Variants in CNTLN observed in about 807,000 individuals in gnomAD.
CNTLN encodes centlein, also known as centlein, centrosomal protein.
Under a neutral mutation model 180.0 loss-of-function variants are expected in CNTLN, and 212 were observed. That is an observed-to-expected ratio of 1.18 (90% CI 1.05 to 1.32). The LOEUF is 1.32. Ranked by LOEUF, CNTLN falls within the 40% of genes most tolerant of loss-of-function variation. CNTLN has a pLI of 0.00. For synonymous variants in CNTLN, 722 were observed against 563.1 expected, an observed-to-expected ratio of 1.28 and a Z score of -3.99; for missense variants, 2,095 against 1,610.9, an observed-to-expected ratio of 1.30 and a Z score of -5.14.
At chr9:17,168,690 C>G (rs1218540106) in intron 2 of CNTLN, 1 of 152,136 alleles carries the variant, frequency 6.6e-6, no homozygotes, top group Non-Finnish European at 1.5e-5. Context: ...TCCTGTATAG[C>G]AACATTTATT....
intron 9 of CNTLN, among the ~76,000 whole-genome samples, chr9:17,331,129 A>G (rs905497075): frequency 6.6e-6 from 1 of 151,916 alleles, no homozygotes; most frequent in Non-Finnish European, 1.5e-5. Context: ...CTGATTAAAA[A>G]TTTATTTTTA....
intron 1 of CNTLN, among the ~76,000 whole-genome samples, chr9:17,140,853 A>C (rs1241128708): frequency 6.6e-6 from 1 of 152,238 alleles, no homozygotes; most frequent in East Asian, 1.9e-4. Flanking sequence ...ATATTAAAAA[A>C]CAAAAATTCC....
At chr9:17,335,929 A>AAT in intron 10 of CNTLN, among the ~76,000 whole-genome samples, 1 of 151,650 alleles carries the variant, frequency 6.6e-6, no homozygotes, top group East Asian at 1.9e-4. Flanking sequence ...CTGTCTCAAA[A>AAT]ACAAAAACAA....
At chr9:17,388,479 T>A (rs1007162187) in intron 14 of CNTLN, among the ~76,000 whole-genome samples, 6 of 152,002 alleles carry the variant, frequency 3.9e-5, no homozygotes, top group Non-Finnish European at 8.8e-5. Flanking sequence ...AACATTATTT[T>A]CAAAAGGTGA....
chr9:17,333,385 T>C (rs977381875), intron 10 of CNTLN, among the ~76,000 whole-genome samples: 3 of 152,154 alleles, frequency 2.0e-5, no homozygotes, highest in Non-Finnish European at 4.4e-5. Context: ...GGGTTTTTTT[T>C]CTCTTTCATT....
At chr9:17,388,502 G>A (rs1000111056) in intron 14 of CNTLN, among the ~76,000 whole-genome samples, 4 of 151,932 alleles carry the variant, frequency 2.6e-5, no homozygotes, top group African/African-American at 9.7e-5. Context: ...TGGAGAGAAT[G>A]AGAAAAATAG....
chr9:17,198,534 A>ATTTTTTTTTTTT (rs71304884), intron 2 of CNTLN, among the ~76,000 whole-genome samples: 4 of 98,060 alleles, frequency 4.1e-5, no homozygotes, highest in South Asian at 2.9e-4. Context: ...TACTTTCTTG[A>ATTTTTTTTTTTT]TTTTTTTTTT....
intron 12 of CNTLN, 116 bp downstream of exon 12, chr9:17,342,560 C>T: frequency 4.3e-6 from 4 of 940,896 alleles, no homozygotes; most frequent in Admixed American, 3.4e-5. Context: ...TGATTTTTGC[C>T]AATAAAAGTA....
At chr9:17,341,634 G>C (rs897187143) in intron 11 of CNTLN, among the ~76,000 whole-genome samples, 3 of 152,120 alleles carry the variant, frequency 2.0e-5, no homozygotes. Flanking sequence ...GATACACATT[G>C]GTCTGTTCTG....
chr9:17,180,445 A>G (rs1420436345), intron 2 of CNTLN, among the ~76,000 whole-genome samples: 1 of 150,588 alleles, frequency 6.6e-6, no homozygotes, highest in Non-Finnish European at 1.5e-5. Context: ...TTATAATAGA[A>G]ACCTTTCTCT....
intron 15 of CNTLN, among the ~76,000 whole-genome samples, chr9:17,401,762 G>GCATCAA (rs1826992953): frequency 6.6e-6 from 1 of 151,734 alleles, no homozygotes; most frequent in South Asian, 2.1e-4. Flanking sequence ...AGCATCTCTA[G>GCATCAA]GAAGTATACT....
intron 8 of CNTLN, among the ~76,000 whole-genome samples, chr9:17,313,184 T>G (rs1316667673): frequency 6.6e-6 from 1 of 152,208 alleles, no homozygotes; most frequent in Non-Finnish European, 1.5e-5. Flanking sequence ...CTCATTCTTT[T>G]AATTTCAGCA....
chr9:17,527,330 CT>C, the CNTLN span, among the ~76,000 whole-genome samples: 1 of 152,168 alleles, frequency 6.6e-6, no homozygotes, highest in South Asian at 2.1e-4. Flanking sequence ...ATTTGATTAT[CT>C]TTGTTAATTC....
chr9:17,172,051 G>C (rs1015271393), intron 2 of CNTLN, among the ~76,000 whole-genome samples: 6 of 152,120 alleles, frequency 3.9e-5, no homozygotes, highest in Non-Finnish European at 7.3e-5. Flanking sequence ...GGGGTTTGGA[G>C]TGCAGGTGAA....
chr9:17,477,756 C>T (rs960976800), intron 23 of CNTLN, among the ~76,000 whole-genome samples: 1 of 152,222 alleles, frequency 6.6e-6, no homozygotes, highest in African/African-American at 2.4e-5. Flanking sequence ...GAGACGAAAT[C>T]TCCTCCTGGT....
intron 18 of CNTLN, among the ~76,000 whole-genome samples, chr9:17,429,861 T>TA (rs976190697): frequency 1.3e-5 from 2 of 151,988 alleles, no homozygotes; most frequent in African/African-American, 4.8e-5. Context: ...AAAAATATAA[T>TA]AATTTGAGTC....
chr9:17,350,914 G>A (rs911929116), intron 12 of CNTLN, among the ~76,000 whole-genome samples: 5 of 152,128 alleles, frequency 3.3e-5, no homozygotes, highest in African/African-American at 1.2e-4. Context: ...TAACACATAT[G>A]TCACATACAG....
intron 13 of CNTLN, among the ~76,000 whole-genome samples, chr9:17,387,947 G>GA (rs34567309): frequency 0.02 from 2,871 of 141,844 alleles, 95 homozygotes; most frequent in African/African-American, 0.071. Flanking sequence ...ATCTTATACT[G>GA]AAAAAAAAAA....
intron 2 of CNTLN, among the ~76,000 whole-genome samples, chr9:17,203,479 G>C (rs879839008): frequency 2.6e-5 from 4 of 152,094 alleles, no homozygotes; most frequent in African/African-American, 7.2e-5. Context: ...ATCATTCGTA[G>C]GTTTGGTCTT....
Sources: gnomAD v4.1 joint callset for allele counts (sites outside exome capture counted in the v4.1 genomes callset) on GRCh38, gnomAD v4.1.1 for gene constraint, MANE v1.5 for transcripts, NCBI Gene and HGNC (gene_info 2026-07-23, HGNC 2026-07-21) for gene names.